The following TACR1 variants were observed in gnomAD, a reference collection of about 807,000 sequenced individuals.
TACR1 encodes tachykinin receptor 1.
Under a neutral mutation model 35.8 loss-of-function variants are expected in TACR1, and 25 were observed. The observed-to-expected ratio is 0.70, with a 90% confidence interval of 0.51 to 0.98. The LOEUF (loss-of-function observed/expected upper bound fraction) is 0.98. Ranked by LOEUF, TACR1 falls within the 50% of genes least tolerant of loss-of-function variation. TACR1 has a pLI of 0.00. For synonymous variants in TACR1, 195 were observed against 206.7 expected, an observed-to-expected ratio of 0.94 and a Z score of 0.48; for missense variants, 478 against 522.9, an observed-to-expected ratio of 0.91 and a Z score of 0.84.
chr2:75,098,105 G>A (rs1046173824), intron 2 of TACR1, among the ~76,000 whole-genome samples: 2 of 152,126 alleles, frequency 1.3e-5, no homozygotes, highest in African/African-American at 2.4e-5. Flanking sequence ...TCTGAAGATC[G>A]TAGAAATGCA....
chr2:75,129,269 C>G (rs540928716), intron 1 of TACR1, among the ~76,000 whole-genome samples: 1 of 152,152 alleles, frequency 6.6e-6, no homozygotes, highest in South Asian at 2.1e-4. Flanking sequence ...GCTGTCACTG[C>G]AGTATTGAGT....
chr2:75,161,584 T>G (rs1291069689), intron 1 of TACR1, among the ~76,000 whole-genome samples: 1 of 152,082 alleles, frequency 6.6e-6, no homozygotes, highest in African/African-American at 2.4e-5. Flanking sequence ...AATGCGCAAC[T>G]TTCAAGTCAT....
At chr2:75,071,840 A>G (rs896276140) in intron 2 of TACR1, among the ~76,000 whole-genome samples, 1 of 152,166 alleles carries the variant, frequency 6.6e-6, no homozygotes, top group African/African-American at 2.4e-5. Context: ...TCTCTTTGCT[A>G]TCTCTCATGC....
At chr2:75,168,738 G>A (rs1424537018) in intron 1 of TACR1, among the ~76,000 whole-genome samples, 1 of 152,136 alleles carries the variant, frequency 6.6e-6, no homozygotes, top group Non-Finnish European at 1.5e-5. Context: ...GGGCTGATTT[G>A]CTATCAGTAA....
At chr2:75,098,564 A>G (rs1260074474) in intron 2 of TACR1, among the ~76,000 whole-genome samples, 1 of 152,160 alleles carries the variant, frequency 6.6e-6, no homozygotes. Context: ...ATATTGGCCA[A>G]TCCTTGAGGA....
Position 75,198,840 on chromosome 2 carries a change from A to G in TACR1, c.95T>C (p.Ile32Thr). 6.2e-7 allele frequency: 1 copy of G among 1,614,096 alleles called. No individual in the cohort carries two copies. The highest frequency in any genetic ancestry group is 1.1e-5 in the South Asian group (1 of 91,070). Residue 32 changes from isoleucine (I) to threonine (T), a missense_variant, in exon 1 of 5, where the codon ATT becomes ACT. By Grantham distance (89) the Ile-to-Thr change is moderately conservative. Transcript: ENST00000305249. ...PNQFVQPAWQ[I>T]VLWAAAYTVI... ...CGTGTAGGCAGCTGCCCAAAGGACA[A>G]TTTGCCAGGCTGGTTGCACGAACTG...
chr2:75,103,451 A>C (rs1452398955), intron 2 of TACR1, among the ~76,000 whole-genome samples: 2 of 152,220 alleles, frequency 1.3e-5, no homozygotes, highest in African/African-American at 4.8e-5. Context: ...AAGTGGCCCC[A>C]ATGGCCAAAA....
At chr2:75,174,062 G>C (rs1287415173) in intron 1 of TACR1, among the ~76,000 whole-genome samples, 1 of 152,108 alleles carries the variant, frequency 6.6e-6, no homozygotes. Context: ...CCAAAACCCA[G>C]GAACTTTTCC....
chr2:75,093,317 G>C (rs1431973811), intron 2 of TACR1, among the ~76,000 whole-genome samples: 2 of 152,146 alleles, frequency 1.3e-5, no homozygotes, highest in African/African-American at 4.8e-5. Context: ...AAGTTTCACA[G>C]ATCTCAGGAA....
intron 1 of TACR1, among the ~76,000 whole-genome samples, chr2:75,155,395 C>A (rs1430938123): frequency 6.6e-6 from 1 of 152,012 alleles, no homozygotes; most frequent in Non-Finnish European, 1.5e-5. Flanking sequence ...TCCTGTCTCC[C>A]CCTCCCTTTG....
chr2:75,053,698 A>C lies in TACR1; in HGVS notation c.642T>G (p.Tyr214Ter), dbSNP rs200262291. The change falls in exon 3 of 5, where the codon TAT (tyrosine) becomes TAG (stop). Residue 214 changes from tyrosine (Y) to a stop codon, truncating the protein, a stop_gained. Coordinates refer to ENST00000305249, the MANE Select transcript of TACR1 (RefSeq NM_001058.4). LOFTEE classifies it high-confidence loss of function. ...IYFLPLLVIG[Y>*]AYTVVGITLW... is the part of the protein sequence containing the mutation. ...GTGTGATTCCCACTACGGTGTATGC[A>C]TAGCCAATCACCAGCAGGGGGAGGA... 1.1e-4 allele frequency: 184 copies of C among 1,613,928 alleles called. No individual in the cohort carries two copies. The highest frequency in any genetic ancestry group is 1.5e-4 in the Non-Finnish European group (182 of 1,179,958).
intron 1 of TACR1, among the ~76,000 whole-genome samples, chr2:75,179,841 G>A (rs1675519861): frequency 6.6e-6 from 1 of 152,172 alleles, no homozygotes; most frequent in Non-Finnish European, 1.5e-5. Context: ...GCCTACACTA[G>A]AGTAGACTTA....
chr2:75,180,062 T>C (rs1266133389), intron 1 of TACR1, among the ~76,000 whole-genome samples: 1 of 152,216 alleles, frequency 6.6e-6, no homozygotes, highest in Non-Finnish European at 1.5e-5. Context: ...AGCTGTCCCT[T>C]CTACCTGGAA....
At chr2:75,141,529 G>GAA (rs531502268) in intron 1 of TACR1, among the ~76,000 whole-genome samples, 99 of 144,526 alleles carry the variant, frequency 6.8e-4, no homozygotes, top group Non-Finnish European at 7.4e-4. Flanking sequence ...TGGAGGCAAG[G>GAA]AAAAAAAAAA....
At chr2:75,101,625 GATAA>G (rs763789790) in intron 2 of TACR1, among the ~76,000 whole-genome samples, 9 of 152,258 alleles carry the variant, frequency 5.9e-5, no homozygotes, top group Admixed American at 1.3e-4. Flanking sequence ...AACTGCACCT[GATAA>G]ATAAATGCTA....
At chr2:75,129,938 C>G (rs1674146084) in intron 1 of TACR1, among the ~76,000 whole-genome samples, 1 of 152,186 alleles carries the variant, frequency 6.6e-6, no homozygotes, top group Admixed American at 6.5e-5. Flanking sequence ...AGGGTAGCCT[C>G]TCTTCTCCCA....
chr2:75,100,381 C>G (rs745651359), intron 2 of TACR1, among the ~76,000 whole-genome samples: 76 of 152,332 alleles, frequency 5.0e-4, no homozygotes, highest in Admixed American at 1.0e-3. Context: ...ATTATAACCT[C>G]TCTTTCAAAT....
chr2:75,191,737 G>C (rs1040691439), intron 1 of TACR1, among the ~76,000 whole-genome samples: 2 of 152,138 alleles, frequency 1.3e-5, no homozygotes, highest in Non-Finnish European at 2.9e-5. Flanking sequence ...GCACAGCATC[G>C]TAAGTGTGCT....
At position 75,098,794 on chromosome 2, in the gene TACR1, G is replaced by A. The variant is rs139282187; in HGVS notation, c.584+21780C>T. ...TCTGCCTTTGGGTTCCTGCTTTGTG[G>A]CAGGCAATCTCCTGTCAATACTTGA... On this transcript the variant is annotated intron_variant, in intron 2 of 4. Transcript: ENST00000305249. Among the ~76,000 whole-genome samples, 18 of 152,218 alleles carry A rather than the reference G, an allele frequency of 1.2e-4. No individual in the cohort carries two copies. The East Asian group carries it at 2.9e-3, about 24-fold the overall frequency.
Sources: gnomAD v4.1 joint callset for allele counts (sites outside exome capture counted in the v4.1 genomes callset) on GRCh38, gnomAD v4.1.1 for gene constraint, MANE v1.5 for transcripts, NCBI Gene and HGNC (gene_info 2026-07-23, HGNC 2026-07-21) for gene names.